SHROOM2: variants seen among roughly 807,000 people sequenced by gnomAD.
SHROOM2 encodes the protein protein Shroom2.
SHROOM2 carries 33 observed loss-of-function variants against 75.9 expected under a neutral mutation model. The observed-to-expected ratio is 0.43, with a 90% CI of 0.33 to 0.58. SHROOM2 has a LOEUF of 0.58. Ranked by LOEUF, SHROOM2 falls within the 20% of genes least tolerant of loss-of-function variation. The probability of loss-of-function intolerance (pLI) is 0.04; values close to 1 mark genes in which losing one functional copy is unlikely to be tolerated. For missense variants in SHROOM2, 1,434 were observed against 1,461.2 expected (o/e 0.98, Z 0.30); for synonymous variants, 655 against 663.6 (o/e 0.99, Z 0.20).
intron 5 of SHROOM2, among the ~76,000 whole-genome samples, chrX:9,915,024 T>C (rs781774197): frequency 1.3e-4 from 15 of 112,547 alleles, no homozygotes; most frequent in Non-Finnish European, 2.6e-4. Context: ...AGAGACAGCA[T>C]GTGTGCTCCT....
intron 1 of SHROOM2, among the ~76,000 whole-genome samples, chrX:9,849,770 A>C (rs1455270775): frequency 8.9e-6 from 1 of 111,946 alleles, no homozygotes; most frequent in African/African-American, 3.3e-5. Context: ...GAACTTTGCC[A>C]ATCTCTTCCC....
chrX:9,891,234 A>G (rs2084290266), intron 3 of SHROOM2, 126 bp downstream of exon 3: 12 of 860,219 alleles, frequency 1.4e-5, no homozygotes, highest in Non-Finnish European at 1.7e-5. Flanking sequence ...TCACAGTTGG[A>G]GGGCTCTGAA....
chrX:9,837,128 G>C (rs181115839), intron 1 of SHROOM2, among the ~76,000 whole-genome samples: 2 of 112,380 alleles, frequency 1.8e-5, no homozygotes, highest in African/African-American at 6.5e-5. Flanking sequence ...GCTGATGCAC[G>C]GTCTCATTGC....
chrX:9,807,021 G>A (rs1206503235), intron 1 of SHROOM2, among the ~76,000 whole-genome samples: 2 of 111,882 alleles, frequency 1.8e-5, no homozygotes, highest in Non-Finnish European at 3.8e-5. Context: ...ACCACGCCTG[G>A]CCCAACTTTA....
chrX:9,796,198 G>A (rs1601910001), intron 1 of SHROOM2, among the ~76,000 whole-genome samples: 1 of 111,087 alleles, frequency 9.0e-6, no homozygotes, highest in South Asian at 3.8e-4. Flanking sequence ...CGAGGTGGGA[G>A]GATTGCTTGA....
Position 9,843,688 on chromosome X carries a change from A to G in SHROOM2, c.166-29964A>G, listed in dbSNP as rs1025951238. On this transcript the variant is annotated intron_variant, in intron 1 of 9. Coordinates refer to ENST00000380913, the MANE Select transcript of SHROOM2 (RefSeq NM_001649.4). ...AGTGCTGGGATTACAGGCGTGAGCCACTGCGCCCGGCCCACATGACATTTA... is the reference window on the plus strand; with the variant it reads ...AGTGCTGGGATTACAGGCGTGAGCCGCTGCGCCCGGCCCACATGACATTTA... Among the ~76,000 whole-genome samples the G allele has an allele frequency of 2.7e-5, 3 of 112,699 alleles. No homozygotes were observed. In the Admixed American group the frequency reaches 2.8e-4, roughly 11 times the overall value.
intron 8 of SHROOM2, among the ~76,000 whole-genome samples, chrX:9,942,142 C>A (rs5934722): frequency 0.25 from 27,670 of 110,258 alleles, 3,759 homozygotes; most frequent in African/African-American, 0.53. Flanking sequence ...CAAGTGATGA[C>A]TATCTAAAAT....
Position 9,891,040 on chromosome X carries a change from C to T in SHROOM2, c.381C>T (p.Pro127=), listed in dbSNP as rs748449075. The change falls in exon 3 of 10, where the codon CCC becomes CCT. Residue 127 remains proline, a synonymous_variant. Transcript: ENST00000380913. ...WHATKFSDSH[P]ELAASPFTST... ...CCACCAAGTTCTCTGACAGCCACCC[C>T]GAGCTAGCGGCCTCCCCATTCACCT... The T allele has an allele frequency of 5.8e-6, 7 of 1,202,851 alleles. No homozygotes were observed. The Admixed American group carries it at 6.7e-5, about 11-fold the overall frequency.
chrX:9,877,490 G>A (rs2084207311), intron 2 of SHROOM2, among the ~76,000 whole-genome samples: 1 of 111,461 alleles, frequency 9.0e-6, no homozygotes, highest in African/African-American at 3.3e-5. Context: ...CTACTTGGCA[G>A]GGGAGTGCTC....
chrX:9,882,804 A>G (rs1488092779), intron 2 of SHROOM2, among the ~76,000 whole-genome samples: 1 of 112,184 alleles, frequency 8.9e-6, no homozygotes, highest in Non-Finnish European at 1.9e-5. Flanking sequence ...TTTGCTTACA[A>G]TGAGGCTCTG....
intron 1 of SHROOM2, among the ~76,000 whole-genome samples, chrX:9,787,072 T>C (rs947735122): frequency 8.9e-6 from 1 of 111,868 alleles, no homozygotes; most frequent in Non-Finnish European, 1.9e-5. Flanking sequence ...TCCCCACCTA[T>C]GTTTGCCTCT....
At chrX:9,936,592 G>A (rs774929917) in intron 6 of SHROOM2, among the ~76,000 whole-genome samples, 4 of 111,456 alleles carry the variant, frequency 3.6e-5, no homozygotes, top group Non-Finnish European at 5.7e-5. Context: ...TATGGCACAG[G>A]AGGTTCTCCC....
intron 2 of SHROOM2, among the ~76,000 whole-genome samples, chrX:9,876,611 G>A (rs181453185): frequency 0.012 from 1,300 of 112,150 alleles, 18 homozygotes; most frequent in African/African-American, 0.04. Flanking sequence ...GTTCATGAAA[G>A]GAACTCTGCA....
chrX:9,934,064 A>G (rs1035517438), intron 6 of SHROOM2, among the ~76,000 whole-genome samples: 1 of 111,493 alleles, frequency 9.0e-6, no homozygotes, highest in African/African-American at 3.3e-5. Context: ...GCCCCCACAG[A>G]GCATTGTCCG....
chrX:9,810,750 T>G (rs2083787362), intron 1 of SHROOM2, among the ~76,000 whole-genome samples: 1 of 110,458 alleles, frequency 9.1e-6, no homozygotes, highest in Non-Finnish European at 1.9e-5. Flanking sequence ...GTACCATATA[T>G]TGGGCGCTGA....
At position 9,937,074 on chromosome X, in the gene SHROOM2, T is replaced by TC. The variant is rs200510972; in HGVS notation, c.3588-59dup. ...TCCAGAGGGGAGGGCAGGGGACACG[T>TC]CAATCAGGGTCTGTGGCTGGAGCAT... On this transcript the variant is annotated intron_variant, in intron 6 of 9. Coordinates refer to ENST00000380913, the MANE Select transcript of SHROOM2 (RefSeq NM_001649.4). 5.4e-3 allele frequency: 5,837 copies of TC among 1,086,922 alleles called. 207 individuals carry two copies. The African/African-American group carries it at 0.093, about 17-fold the overall frequency. The allele number at this position is 1,086,922 out of a possible 1,213,427, so 89.6% of individuals were successfully genotyped here.
Position 9,947,627 on chromosome X carries a change from A to C in SHROOM2, c.*690A>C, listed in dbSNP as rs752617707. 1 of 112,476 alleles carries C rather than the reference A, an allele frequency of 8.9e-6. No individual in the cohort carries two copies. Among genetic ancestry groups the C allele is most frequent in the Non-Finnish European group, 1.9e-5 (1 of 53,379 alleles). The allele number at this position is 112,476 out of a possible 1,213,427, so 9.3% of individuals were successfully genotyped here. Reference sequence around the variant, plus strand: ...CGTGCATGCTTTAAAAAACACAGTCACGCACCAAGCAGGCAAATAGCTTTA... The same window carrying C: ...CGTGCATGCTTTAAAAAACACAGTCCCGCACCAAGCAGGCAAATAGCTTTA... On this transcript the variant is annotated 3_prime_UTR_variant, in exon 10 of 10. Coordinates refer to ENST00000380913, the MANE Select transcript of SHROOM2 (RefSeq NM_001649.4).
rs750651119 is a variant in SHROOM2 at position 9,846,125 on chromosome X, G to A, written c.166-27527G>A. 2.8e-5 allele frequency among the ~76,000 whole-genome samples: 3 copies of A among 108,230 alleles called. No homozygotes were observed. In the South Asian group the frequency reaches 1.2e-3, roughly 45 times the overall value. 94.0% of individuals were successfully genotyped at this position (108,230 alleles called of 115,157 possible). A position where few individuals can be genotyped will look rare whatever the true frequency, so the allele number is the denominator to read the frequency against. The stretch of plus-strand genomic sequence containing the variant: ...TGTGAACCTCAGTTTGTTTGGTTTT[G>A]GTTTTGGTTTTTGAGACAGGATCTC... On this transcript the variant is annotated intron_variant, in intron 1 of 9. Coordinates refer to ENST00000380913, the MANE Select transcript of SHROOM2 (RefSeq NM_001649.4).
chrX:9,884,368 CTTT>C (rs1181815816), intron 2 of SHROOM2, among the ~76,000 whole-genome samples: 2 of 62,290 alleles, frequency 3.2e-5, no homozygotes, highest in East Asian at 5.0e-4. Context: ...TTTTTCTTTT[CTTT>C]TTTTTTTTTT....
Sources: gnomAD v4.1 joint callset for allele counts (sites outside exome capture counted in the v4.1 genomes callset) on GRCh38, gnomAD v4.1.1 for gene constraint, MANE v1.5 for transcripts, NCBI Gene and HGNC (gene_info 2026-07-23, HGNC 2026-07-21) for gene names.